NCKAP5: variants seen among roughly 807,000 people sequenced by gnomAD.
The protein encoded by NCKAP5 is NCK associated protein 5, also known as nck-associated protein 5.
Under a neutral mutation model 167.0 loss-of-function variants are expected in NCKAP5, and 92 were observed. That is an observed-to-expected ratio of 0.55 (90% CI 0.47 to 0.66). NCKAP5 has a LOEUF of 0.66. Among genes scored for constraint, NCKAP5 ranks in the 30% least tolerant of loss-of-function variants. The probability of loss-of-function intolerance (pLI) is 0.00; values close to 1 mark genes in which losing one functional copy is unlikely to be tolerated. For synonymous variants in NCKAP5, 891 were observed against 877.4 expected (o/e 1.02, Z -0.27); for missense variants, 2,378 against 2,315.0 (o/e 1.03, Z -0.56).
chr2:132,906,771 G>T (rs1007118479), intron 8 of NCKAP5, among the ~76,000 whole-genome samples: 2 of 152,216 alleles, frequency 1.3e-5, no homozygotes, highest in Admixed American at 6.5e-5. Flanking sequence ...TATTACAGTT[G>T]AGGTTGAAGA....
At chr2:133,585,206 A>G in the NCKAP5 span, among the ~76,000 whole-genome samples, 2 of 152,252 alleles carry the variant, frequency 1.3e-5, no homozygotes, top group Non-Finnish European at 2.9e-5. Flanking sequence ...TTTAGGAGAC[A>G]TGTTTAATGC....
At chr2:133,582,708 C>T in the NCKAP5 span, among the ~76,000 whole-genome samples, 13 of 152,144 alleles carry the variant, frequency 8.5e-5, no homozygotes, top group African/African-American at 3.1e-4. Context: ...ATTAGCGTTT[C>T]GATTAAGACA....
intron 3 of NCKAP5, among the ~76,000 whole-genome samples, chr2:133,379,107 C>A (rs1686349071): frequency 6.6e-6 from 1 of 152,100 alleles, no homozygotes; most frequent in African/African-American, 2.4e-5. Context: ...ACATAATACA[C>A]CAACAGTGCC....
the NCKAP5 span, among the ~76,000 whole-genome samples, chr2:133,614,953 A>G: frequency 4.6e-5 from 7 of 151,996 alleles, no homozygotes; most frequent in South Asian, 2.1e-4. Context: ...CGGATCTCTC[A>G]GCAGAAACTC....
rs144273502 is a variant in NCKAP5, at chr2:132,721,845, G to A, written c.5713+3782C>T. ...ACACATCCTCTTTTAAAGGCAGGTC[G>A]CAGACACCTTGGTGGAGGGAAAGAC... On this transcript the variant is annotated intron_variant, in intron 19 of 19. Coordinates refer to ENST00000409261, the MANE Select transcript of NCKAP5 (RefSeq NM_207363.3). 4.3e-4 allele frequency among the ~76,000 whole-genome samples: 65 copies of A among 152,324 alleles called. No individual in the cohort carries two copies. The East Asian group carries it at 0.012, about 27-fold the overall frequency.
intron 3 of NCKAP5, among the ~76,000 whole-genome samples, chr2:133,473,882 A>G (rs1006815569): frequency 6.6e-5 from 10 of 152,188 alleles, no homozygotes; most frequent in African/African-American, 2.4e-4. Context: ...GTTCAAGAGC[A>G]AAAATGCATA....
chr2:133,523,143 G>T (rs1481199213), intron 2 of NCKAP5, among the ~76,000 whole-genome samples: 1 of 150,900 alleles, frequency 6.6e-6, no homozygotes. Context: ...GTTAGTAATG[G>T]CCTTTTCATG....
In NCKAP5 at chr2:132,767,403, C is replaced by T. The variant is rs371057698; in HGVS notation, c.5128+6413G>A. On this transcript the variant is annotated intron_variant, in intron 16 of 19. Coordinates refer to ENST00000409261, the MANE Select transcript of NCKAP5 (RefSeq NM_207363.3). ...CTGGAATTACAGGCATGCACCACCA[C>T]GCCTGGCTAATTTTGTATTTTTAGT... Among the ~76,000 whole-genome samples, 73 of 152,270 alleles carry T rather than the reference C, an allele frequency of 4.8e-4. 3 individuals carry two copies. The South Asian group carries it at 0.013, about 28-fold the overall frequency.
At chr2:133,034,786 G>T (rs1368013594) in intron 6 of NCKAP5, among the ~76,000 whole-genome samples, 2 of 151,740 alleles carry the variant, frequency 1.3e-5, no homozygotes, top group Non-Finnish European at 2.9e-5. Context: ...AAACTAAAAA[G>T]CAAGAAACTA....
chr2:133,499,060 T>A (rs905511902), intron 3 of NCKAP5, among the ~76,000 whole-genome samples: 1 of 152,126 alleles, frequency 6.6e-6, no homozygotes, highest in African/African-American at 2.4e-5. Flanking sequence ...GCATGGGGAG[T>A]AGGTGGCTAT....
chr2:133,605,038 G>A, the NCKAP5 span, among the ~76,000 whole-genome samples: 1 of 152,168 alleles, frequency 6.6e-6, no homozygotes. Flanking sequence ...TTGAAACTAG[G>A]TAGGTAGAGA....
intron 15 of NCKAP5, among the ~76,000 whole-genome samples, chr2:132,780,297 G>A (rs1184373045): frequency 6.6e-6 from 1 of 152,046 alleles, no homozygotes; most frequent in African/African-American, 2.4e-5. Flanking sequence ...GACTGCAGGC[G>A]CCCACCACCA....
intron 8 of NCKAP5, among the ~76,000 whole-genome samples, chr2:132,938,270 A>G (rs1030279990): frequency 6.6e-6 from 1 of 152,202 alleles, no homozygotes. Flanking sequence ...CAGAGGATAC[A>G]GTAGAGAACA....
intron 3 of NCKAP5, among the ~76,000 whole-genome samples, chr2:133,416,936 C>T (rs1326195300): frequency 6.6e-6 from 1 of 152,130 alleles, no homozygotes; most frequent in Non-Finnish European, 1.5e-5. Flanking sequence ...CCCTGCCAAA[C>T]ATTTGGTCTT....
Position 132,740,085 on chromosome 2 carries a change from C to A in NCKAP5, c.5129-8034G>T, listed in dbSNP as rs1017238620. ...TCCAAACAAATTATGCTAGTAATCA[C>A]CTTTTTCCCCTCTGCAACCCTCATT... On this transcript the variant is annotated intron_variant, in intron 16 of 19. Transcript: ENST00000409261. Among the ~76,000 whole-genome samples the A allele has an allele frequency of 2.6e-5, 4 of 152,090 alleles. 1 individual carries two copies. Among genetic ancestry groups the A allele is most frequent in the African/African-American group, 2.4e-5 (1 of 41,414 alleles).
chr2:132,791,640 G>C (rs748132863), intron 12 of NCKAP5, among the ~76,000 whole-genome samples: 3 of 152,156 alleles, frequency 2.0e-5, no homozygotes, highest in African/African-American at 7.2e-5. Flanking sequence ...TGTGTCACTT[G>C]CAGAGTGGCA....
chr2:132,679,333 T>C (rs1287244753), intron 19 of NCKAP5, among the ~76,000 whole-genome samples: 5 of 152,086 alleles, frequency 3.3e-5, no homozygotes, highest in African/African-American at 1.2e-4. Context: ...TTCCTGAACT[T>C]GCTAGGCAAG....
intron 12 of NCKAP5, among the ~76,000 whole-genome samples, chr2:132,792,944 G>A (rs1684188138): frequency 6.6e-6 from 1 of 152,192 alleles, no homozygotes; most frequent in Non-Finnish European, 1.5e-5. Flanking sequence ...AAGATGGGCT[G>A]GAGTGAGAAG....
At chr2:133,219,990 G>A (rs1483099911) in intron 4 of NCKAP5, among the ~76,000 whole-genome samples, 2 of 152,176 alleles carry the variant, frequency 1.3e-5, no homozygotes, top group Admixed American at 1.3e-4. Context: ...CCCAATATAT[G>A]TGTGAAACCA....
Sources: gnomAD v4.1 joint callset for allele counts (sites outside exome capture counted in the v4.1 genomes callset) on GRCh38, gnomAD v4.1.1 for gene constraint, MANE v1.5 for transcripts, NCBI Gene and HGNC (gene_info 2026-07-23, HGNC 2026-07-21) for gene names.